TNFSF4: variants seen among roughly 807,000 people sequenced by gnomAD.
TNFSF4 encodes tumor necrosis factor ligand superfamily member 4.
A neutral mutation model predicts 7.3 loss-of-function variants in TNFSF4; 4 were observed. The ratio of observed to expected loss-of-function variants is 0.55; its 90% CI spans 0.27 to 1.25. TNFSF4 has a LOEUF of 1.25. Ranked by LOEUF, TNFSF4 falls within the 50% of genes most tolerant of loss-of-function variation. The probability of loss-of-function intolerance (pLI) is 0.12; values close to 1 mark genes in which losing one functional copy is unlikely to be tolerated. For missense variants in TNFSF4, 181 were observed against 208.8 expected, an observed-to-expected ratio of 0.87 and a Z score of 0.82; for synonymous variants, 76 against 83.7, an observed-to-expected ratio of 0.91 and a Z score of 0.50.
At chr1:173,245,877 T>C in the TNFSF4 span, among the ~76,000 whole-genome samples, 1 of 152,250 alleles carries the variant, frequency 6.6e-6, no homozygotes, top group Non-Finnish European at 1.5e-5. Flanking sequence ...CCACTTAACA[T>C]GTCTTCCAGG....
chr1:173,232,687 G>T, the TNFSF4 span, among the ~76,000 whole-genome samples: 3 of 152,138 alleles, frequency 2.0e-5, no homozygotes, highest in African/African-American at 7.2e-5. Flanking sequence ...AAGGGCTGTT[G>T]GATTTTGTCG....
chr1:173,341,928 T>C, the TNFSF4 span, among the ~76,000 whole-genome samples: 1 of 152,118 alleles, frequency 6.6e-6, no homozygotes, highest in Non-Finnish European at 1.5e-5. Flanking sequence ...TCTCAATGGC[T>C]CCAAGTACCC....
At chr1:173,247,506 G>C in the TNFSF4 span, among the ~76,000 whole-genome samples, 3 of 152,212 alleles carry the variant, frequency 2.0e-5, no homozygotes, top group Admixed American at 2.0e-4. Context: ...GCAGAAAGGA[G>C]AGAAACTTAA....
chr1:173,366,100 A>G, the TNFSF4 span, among the ~76,000 whole-genome samples: 1 of 152,222 alleles, frequency 6.6e-6, no homozygotes, highest in Non-Finnish European at 1.5e-5. Flanking sequence ...TAGAGGTACC[A>G]TGTGATCCAG....
intron 1 of TNFSF4, among the ~76,000 whole-genome samples, chr1:173,191,484 A>C (rs1385929830): frequency 6.6e-6 from 1 of 152,192 alleles, no homozygotes; most frequent in African/African-American, 2.4e-5. Context: ...TGATGACCTC[A>C]TGCTGACTAC....
the TNFSF4 span, among the ~76,000 whole-genome samples, chr1:173,287,966 G>C: frequency 6.6e-6 from 1 of 152,156 alleles, no homozygotes; most frequent in South Asian, 2.1e-4. Context: ...TACATAGTGG[G>C]ATGTGTGTAT....
the TNFSF4 span, among the ~76,000 whole-genome samples, chr1:173,282,566 C>T: frequency 6.6e-6 from 1 of 151,750 alleles, no homozygotes; most frequent in Non-Finnish European, 1.5e-5. Context: ...TCAAGTGATT[C>T]TCCTGCCTTA....
At chr1:173,370,057 T>C in the TNFSF4 span, among the ~76,000 whole-genome samples, 4 of 152,220 alleles carry the variant, frequency 2.6e-5, no homozygotes, top group Admixed American at 2.0e-4. Flanking sequence ...CCCTTCAAGC[T>C]GTAGGGGGAG....
the TNFSF4 span, among the ~76,000 whole-genome samples, chr1:173,434,054 C>T: frequency 2.6e-5 from 4 of 152,170 alleles, no homozygotes; most frequent in African/African-American, 9.7e-5. Flanking sequence ...AAGGGAGAAA[C>T]ATGAAACAGA....
At chr1:173,264,053 A>C in the TNFSF4 span, among the ~76,000 whole-genome samples, 1 of 152,318 alleles carries the variant, frequency 6.6e-6, no homozygotes, top group African/African-American at 2.4e-5. Flanking sequence ...CTGGTGACAA[A>C]ATAATCTGTA....
the TNFSF4 span, among the ~76,000 whole-genome samples, chr1:173,282,916 C>T: frequency 6.6e-6 from 1 of 152,126 alleles, no homozygotes; most frequent in African/African-American, 2.4e-5. Context: ...CAGGCATTTC[C>T]ATTTATTAAA....
chr1:173,366,507 T>C, the TNFSF4 span, among the ~76,000 whole-genome samples: 1 of 151,912 alleles, frequency 6.6e-6, no homozygotes, highest in Non-Finnish European at 1.5e-5. Flanking sequence ...AACAGGGGGA[T>C]GGTTAATGGG....
chr1:173,305,574 C>T, the TNFSF4 span, among the ~76,000 whole-genome samples: 236 of 151,916 alleles, frequency 1.6e-3, no homozygotes, highest in Non-Finnish European at 9.7e-4. Context: ...GCAGGAATCA[C>T]TCTTACTTTT....
At chr1:173,422,883 G>A in the TNFSF4 span, among the ~76,000 whole-genome samples, 6 of 152,178 alleles carry the variant, frequency 3.9e-5, no homozygotes, top group Admixed American at 2.0e-4. Context: ...ACCACCAGAT[G>A]AGAGAGTTGA....
chr1:173,450,423 A>T, the TNFSF4 span, among the ~76,000 whole-genome samples: 2 of 152,102 alleles, frequency 1.3e-5, no homozygotes, highest in East Asian at 3.8e-4. Flanking sequence ...TTCTCAATTG[A>T]TTTTATGAGA....
chr1:173,198,223 C>T (rs1040465446), intron 1 of TNFSF4, among the ~76,000 whole-genome samples: 2 of 152,200 alleles, frequency 1.3e-5, no homozygotes, highest in African/African-American at 4.8e-5. Flanking sequence ...CACCTGAGTT[C>T]TTCTCCCGGA....
the TNFSF4 span, among the ~76,000 whole-genome samples, chr1:173,244,204 T>C: frequency 6.6e-6 from 1 of 152,102 alleles, no homozygotes; most frequent in Non-Finnish European, 1.5e-5. Context: ...CCAAATGAAA[T>C]AGATTATGTA....
the TNFSF4 span, among the ~76,000 whole-genome samples, chr1:173,322,504 G>A: frequency 3.3e-5 from 5 of 152,226 alleles, no homozygotes; most frequent in South Asian, 2.1e-4. Context: ...CTGAGGTACC[G>A]GGTTCATCTC....
chr1:173,297,624 A>G, the TNFSF4 span, among the ~76,000 whole-genome samples: 3 of 151,950 alleles, frequency 2.0e-5, no homozygotes, highest in African/African-American at 7.2e-5. Context: ...GAGTTCATCC[A>G]TATCTGGCCC....
Sources: allele counts gnomAD v4.1 joint callset (sites outside exome capture counted in the v4.1 genomes callset), GRCh38; gene constraint gnomAD v4.1.1; transcripts MANE v1.5; gene names NCBI Gene and HGNC (gene_info 2026-07-23, HGNC 2026-07-21).